CFAP77: variants seen among roughly 807,000 people sequenced by gnomAD.
CFAP77 encodes the protein cilia and flagella associated protein 77.
A neutral mutation model predicts 31.1 loss-of-function variants in CFAP77; 25 were observed. The ratio of observed to expected loss-of-function variants is 0.80; its 90% CI spans 0.59 to 1.12. The LOEUF is 1.12. Among genes scored for constraint, CFAP77 ranks in the 50% most tolerant of loss-of-function variants. The pLI is 0.00. For missense variants in CFAP77, 377 were observed against 397.3 expected, an observed-to-expected ratio of 0.95 and a Z score of 0.44; for synonymous variants, 151 against 159.9, an observed-to-expected ratio of 0.94 and a Z score of 0.42.
At chr9:132,441,495 T>A (rs541228735) in intron 1 of CFAP77, among the ~76,000 whole-genome samples, 1 of 152,292 alleles carries the variant, frequency 6.6e-6, no homozygotes, top group East Asian at 1.9e-4. Context: ...ATAGCATATT[T>A]CTTTTGAGGG....
chr9:132,483,404 G>A (rs1374152169), intron 1 of CFAP77, among the ~76,000 whole-genome samples: 5 of 152,190 alleles, frequency 3.3e-5, no homozygotes, highest in South Asian at 2.1e-4. Flanking sequence ...GACAAGGAGC[G>A]TCGAGCCCCT....
At position 132,539,933 on chromosome 9, in the gene CFAP77, T is replaced by C. The variant is rs1391392325; in HGVS notation, c.630+2227T>C. Among the ~76,000 whole-genome samples, 4 of 151,716 alleles carry C rather than the reference T, an allele frequency of 2.6e-5. No individual in the cohort carries two copies. The highest frequency in any genetic ancestry group is 1.3e-4 in the Admixed American group (2 of 15,236). On this transcript the variant is annotated intron_variant, in intron 4 of 5. Transcript: ENST00000393216. The surrounding 1 kb of genome is among the most constrained non-coding windows in gnomAD (Gnocchi z 4.3). ...TTTTGCTGTTTGTTTATTTTTGTTTTTGTTTGTTTGTTTTTGAGACGGAGT... is the reference window on the plus strand; with the variant it reads ...TTTTGCTGTTTGTTTATTTTTGTTTCTGTTTGTTTGTTTTTGAGACGGAGT...
chr9:132,524,482 G>A (rs1181223216), intron 3 of CFAP77, among the ~76,000 whole-genome samples: 3 of 151,586 alleles, frequency 2.0e-5, no homozygotes, highest in African/African-American at 4.8e-5. Flanking sequence ...GCGTGGCAGC[G>A]TGAGCCTGTA....
intron 5 of CFAP77, among the ~76,000 whole-genome samples, chr9:132,547,515 G>C (rs564477504): frequency 5.1e-4 from 78 of 152,244 alleles, no homozygotes; most frequent in African/African-American, 1.7e-3. Context: ...TTCATGCTGG[G>C]CCCTGTTCCC....
intron 1 of CFAP77, among the ~76,000 whole-genome samples, chr9:132,419,789 AG>A (rs1455612187): frequency 2.0e-5 from 3 of 152,130 alleles, no homozygotes; most frequent in Non-Finnish European, 4.4e-5. Flanking sequence ...GAAACACAAG[AG>A]GTTGAAGACT....
chr9:132,565,498 G>A lies in CFAP77; in HGVS notation c.733-6890G>A, dbSNP rs1829874249. ...TATAAAAAATTAGCTGGGCGTGATGGCAGACACCTGTAATCCCAGCTACTC... is the reference window on the plus strand; with the variant it reads ...TATAAAAAATTAGCTGGGCGTGATGACAGACACCTGTAATCCCAGCTACTC... On this transcript the variant is annotated intron_variant, in intron 5 of 5. Coordinates refer to ENST00000393216, the MANE Select transcript of CFAP77 (RefSeq NM_001282957.2). This position sits in a 1 kb window ranked among gnomAD's most constrained non-coding sequence, Gnocchi z 4.1. 6.6e-6 allele frequency among the ~76,000 whole-genome samples: 1 copy of A among 152,070 alleles called. No homozygotes were observed. Among genetic ancestry groups the A allele is most frequent in the South Asian group, 2.1e-4 (1 of 4,824 alleles).
intron 1 of CFAP77, among the ~76,000 whole-genome samples, chr9:132,421,282 A>G (rs1344259784): frequency 6.6e-6 from 1 of 151,356 alleles, no homozygotes; most frequent in African/African-American, 2.4e-5. Context: ...GTGAGCCACC[A>G]TGCCCGGCCT....
In CFAP77 at chr9:132,552,131, G is replaced by A. The variant is rs114854455; in HGVS notation, c.732+9084G>A. On this transcript the variant is annotated intron_variant, in intron 5 of 5. Transcript: ENST00000393216. This position sits in a 1 kb window ranked among gnomAD's most constrained non-coding sequence, Gnocchi z 5.5. The stretch of plus-strand genomic sequence containing the variant: ...GAGGCTGAGTCCAGCAGGAGGGCTG[G>A]GTCTGTCTGTGGGCTGGGCAGCCAT... Among the ~76,000 whole-genome samples the A allele has an allele frequency of 1.3e-5, 2 of 152,238 alleles. No individual in the cohort carries two copies. The highest frequency in any genetic ancestry group is 2.4e-5 in the African/African-American group (1 of 41,468).
At chr9:132,470,604 G>C (rs1851237845) in intron 1 of CFAP77, among the ~76,000 whole-genome samples, 1 of 152,226 alleles carries the variant, frequency 6.6e-6, no homozygotes, top group African/African-American at 2.4e-5. Context: ...TGTTTCCCAA[G>C]TGCGTCCAAT....
chr9:132,449,429 A>G (rs981166766), intron 1 of CFAP77, among the ~76,000 whole-genome samples: 3 of 140,164 alleles, frequency 2.1e-5, no homozygotes, highest in Non-Finnish European at 4.6e-5. Context: ...GCCATAGAGT[A>G]CACAGGTTTT....
chr9:132,572,586 AC>A lies in CFAP77; in HGVS notation c.*79del. Reference sequence around the variant, plus strand: ...CAGAAGGACTCCCTATCTTGCCCCAACCCTGACATTCCCCCATTTTTATGCA... The same window carrying A: ...CAGAAGGACTCCCTATCTTGCCCCAACCTGACATTCCCCCATTTTTATGCA... On this transcript the variant is annotated 3_prime_UTR_variant, in exon 6 of 6. Coordinates refer to ENST00000393216, the MANE Select transcript of CFAP77 (RefSeq NM_001282957.2). 7.1e-7 allele frequency: 1 copy of A among 1,407,612 alleles called. No individual in the cohort carries two copies. Among genetic ancestry groups the A allele is most frequent in the East Asian group, 2.4e-5 (1 of 41,452 alleles). 87.2% of individuals were successfully genotyped at this position (1,407,612 alleles called of 1,614,324 possible).
intron 3 of CFAP77, among the ~76,000 whole-genome samples, chr9:132,515,078 G>A (rs1002233836): frequency 1.3e-5 from 2 of 152,166 alleles, no homozygotes; most frequent in Non-Finnish European, 2.9e-5. Context: ...CAGGGAACAC[G>A]TGTGCCAGAA....
rs971903469 is a variant in CFAP77, at chr9:132,539,105, T to A, written c.630+1399T>A. Among the ~76,000 whole-genome samples the A allele has an allele frequency of 2.0e-5, 3 of 151,892 alleles. No homozygotes were observed. The highest frequency in any genetic ancestry group is 1.9e-4 in the East Asian group (1 of 5,184). On this transcript the variant is annotated intron_variant, in intron 4 of 5. Coordinates refer to ENST00000393216, the MANE Select transcript of CFAP77 (RefSeq NM_001282957.2). This position sits in a 1 kb window ranked among gnomAD's most constrained non-coding sequence, Gnocchi z 4.3. Reference sequence around the variant, plus strand: ...CCGTCTCGATAAAAAAATAAATAAATAAAAATAAATAAATAAAATAGTACT... The same window carrying A: ...CCGTCTCGATAAAAAAATAAATAAAAAAAAATAAATAAATAAAATAGTACT...
rs1419289828 is a variant in CFAP77 at position 132,467,272 on chromosome 9, G to A, written c.196-31423G>A. The stretch of plus-strand genomic sequence containing the variant: ...CCACAGTGTTAAGTACCTTCACATC[G>A]TTTGTGTAATGGATCTCTAAAACTC... On this transcript the variant is annotated intron_variant, in intron 1 of 5. Coordinates refer to ENST00000393216, the MANE Select transcript of CFAP77 (RefSeq NM_001282957.2). Among the ~76,000 whole-genome samples the A allele has an allele frequency of 3.3e-5, 5 of 152,072 alleles. No individual in the cohort carries two copies. In the East Asian group the frequency reaches 9.6e-4, roughly 29 times the overall value.
chr9:132,473,406 A>T (rs138943518), intron 1 of CFAP77, among the ~76,000 whole-genome samples: 123 of 152,248 alleles, frequency 8.1e-4, no homozygotes, highest in Non-Finnish European at 1.4e-3. Context: ...ACAGCTGGGG[A>T]GACTGAGGCA....
At chr9:132,447,718 G>A (rs759166025) in intron 1 of CFAP77, among the ~76,000 whole-genome samples, 58 of 152,312 alleles carry the variant, frequency 3.8e-4, no homozygotes, top group Non-Finnish European at 7.6e-4. Flanking sequence ...GACACCTAGC[G>A]CAATGTATAT....
In CFAP77 at chr9:132,410,249, C is replaced by T; in HGVS notation, c.-23C>T. 1.3e-6 allele frequency: 2 copies of T among 1,538,356 alleles called. No homozygotes were observed. Among genetic ancestry groups the T allele is most frequent in the Admixed American group, 3.9e-5 (2 of 51,142 alleles). ...AAGCGCGCCCAAACCAGCCCGCGGG[C>T]CGGCTCCCCGGCGACCTCAAGGATG... On this transcript the variant is annotated 5_prime_UTR_variant, in exon 1 of 6. Transcript: ENST00000393216.
At chr9:132,456,173 C>T (rs111393669) in intron 1 of CFAP77, among the ~76,000 whole-genome samples, 8,534 of 152,226 alleles carry the variant, frequency 0.056, 786 homozygotes, top group African/African-American at 0.19. Flanking sequence ...TGGAGAAAGA[C>T]AGACAATAAA....
At chr9:132,548,782 T>C (rs544463575) in intron 5 of CFAP77, among the ~76,000 whole-genome samples, 11 of 135,262 alleles carry the variant, frequency 8.1e-5, no homozygotes, top group Non-Finnish European at 1.6e-4. Context: ...CAACATTACA[T>C]AGTCGTTCAG....
Sources: gnomAD v4.1 joint callset for allele counts (sites outside exome capture counted in the v4.1 genomes callset) on GRCh38, gnomAD v4.1.1 for gene constraint, Gnocchi (gnomAD v3.1) non-coding constraint, MANE v1.5 for transcripts, NCBI Gene and HGNC (gene_info 2026-07-23, HGNC 2026-07-21) for gene names.